PFKL: variants seen among roughly 807,000 people sequenced by gnomAD.
PFKL encodes the protein phosphofructokinase, liver type, also known as ATP-dependent 6-phosphofructokinase, liver type.
A neutral mutation model predicts 92.1 loss-of-function variants in PFKL; 74 were observed. The ratio of observed to expected loss-of-function variants is 0.80; its 90% CI spans 0.67 to 0.97. The LOEUF is 0.97. Ranked by LOEUF, PFKL falls within the 50% of genes least tolerant of loss-of-function variation. The probability of loss-of-function intolerance (pLI) is 0.00; values close to 1 mark genes in which losing one functional copy is unlikely to be tolerated. For missense variants in PFKL, 1,028 were observed against 1,116.6 expected, an observed-to-expected ratio of 0.92 and a Z score of 1.13; for synonymous variants, 494 against 456.4, an observed-to-expected ratio of 1.08 and a Z score of -1.05.
intron 7 of PFKL, chr21:44,314,419 C>T (rs1490223118): frequency 1.4e-5 from 3 of 208,504 alleles, no homozygotes; most frequent in Non-Finnish European, 2.9e-5. Context: ...AGGCCAGGAG[C>T]TGGGCCAGTG....
chr21:44,321,561 A>G, intron 12 of PFKL, 168 bp from the exon 13 acceptor site: 1 of 582,542 alleles, frequency 1.7e-6, no homozygotes. Flanking sequence ...CTGGAATTAG[A>G]ACAGATACCG....
In PFKL at chr21:44,322,949, T is replaced by A; in HGVS notation, c.1410-13T>A. On this transcript the variant is annotated splice_polypyrimidine_tract_variant and intron_variant, in intron 14 of 21. Transcript: ENST00000349048. ...GGTGCTGCGTGTTCATGCGGATGTG[T>A]CTTTGACTGCAGGACCCTGCCCAAG... 6.2e-7 allele frequency: 1 copy of A among 1,600,604 alleles called. No individual in the cohort carries two copies. Among genetic ancestry groups the A allele is most frequent in the South Asian group, 1.1e-5 (1 of 90,550 alleles).
chr21:44,312,952 A>G (rs1309859387), intron 4 of PFKL, 26 bp from the exon 5 acceptor site: 1 of 1,610,150 alleles, frequency 6.2e-7, no homozygotes, highest in South Asian at 1.1e-5. Flanking sequence ...AGCCTCAGCC[A>G]GGTCCTCCTG....
intron 1 of PFKL, 93 bp from the exon 2 acceptor site, chr21:44,306,587 AG>A (rs2040950318): frequency 6.5e-6 from 7 of 1,071,272 alleles, no homozygotes; most frequent in Non-Finnish European, 9.7e-6. Flanking sequence ...CAGGGTGTCC[AG>A]GCCTCCCCTA....
rs980279655 is a variant in PFKL at position 44,325,932 on chromosome 21, C to T, written c.1990-29C>T. The T allele has an allele frequency of 3.2e-6, 5 of 1,579,520 alleles. No homozygotes were observed. The Admixed American group carries it at 6.8e-5, about 22-fold the overall frequency. On this transcript the variant is annotated intron_variant, in intron 19 of 21. Coordinates refer to ENST00000349048, the MANE Select transcript of PFKL (RefSeq NM_002626.6). ...CTTGGCCCAGGCAGCCCAGGGGAGT[C>T]CAGGGAACCGGGCCTCACCTGTTTC...
At chr21:44,309,592 C>T (rs893963218) in intron 2 of PFKL, among the ~76,000 whole-genome samples, 1 of 152,198 alleles carries the variant, frequency 6.6e-6, no homozygotes, top group African/African-American at 2.4e-5. Context: ...ACCTGCCTGC[C>T]CCTCCGCCCA....
chr21:44,322,991 T>C lies in PFKL; in HGVS notation c.1439T>C (p.Ile480Thr), dbSNP rs149303406. Residue 480 changes from isoleucine to threonine, a missense_variant, in exon 15 of 22, where the codon ATT becomes ACT. Transcript: ENST00000349048. ...CTGCCCAAGGGCCAGCTGGAGTCCA[T>C]TGTGGAGAACATCCGCATCTATGGT... ...RTLPKGQLES[I>T]VENIRIYGIH... 7.4e-5 allele frequency: 119 copies of C among 1,612,816 alleles called. No homozygotes were observed. The highest frequency in any genetic ancestry group is 9.3e-5 in the African/African-American group (7 of 75,066).
chr21:44,312,595 G>A (rs1033476919), intron 4 of PFKL, among the ~76,000 whole-genome samples: 1 of 152,346 alleles, frequency 6.6e-6, no homozygotes, highest in Non-Finnish European at 1.5e-5. Context: ...TGATCCGAGT[G>A]AGATTCTGGA....
rs765997593 is a variant in PFKL, at chr21:44,323,799, C to T, written c.1531C>T (p.Arg511Cys). Residue 511 changes from arginine (R) to cysteine (C), a missense_variant, in exon 16 of 22, where the codon CGC (arginine) becomes TGC (cysteine). Transcript: ENST00000349048. ...YEGVLQLVEA[R>C]GRYEELCIVM... ...AGGGGTGCTGCAGCTGGTGGAGGCT[C>T]GCGGGCGCTACGAGGAGCTCTGCAT... is the stretch of plus-strand genomic sequence containing the variant. 1.2e-5 allele frequency: 19 copies of T among 1,612,414 alleles called. No homozygotes were observed. Among genetic ancestry groups the T allele is most frequent in the African/African-American group, 4.0e-5 (3 of 74,900 alleles).
At chr21:44,307,084 C>T (rs944692537) in intron 2 of PFKL, among the ~76,000 whole-genome samples, 5 of 152,180 alleles carry the variant, frequency 3.3e-5, no homozygotes, top group Admixed American at 2.6e-4. Context: ...CCACCACACC[C>T]CTGCCTGGTG....
intron 2 of PFKL, 76 bp from the exon 3 acceptor site, chr21:44,310,930 A>G: frequency 1.9e-6 from 2 of 1,047,718 alleles, no homozygotes; most frequent in South Asian, 1.3e-5. Context: ...GTGGGGTGAA[A>G]ATCCTGCTCC....
At chr21:44,305,999 G>A (rs1394074414) in intron 1 of PFKL, 1 of 1,187,736 alleles carries the variant, frequency 8.4e-7, no homozygotes, top group African/African-American at 2.5e-5. Context: ...GGCCGGAGGG[G>A]CTCTGTTCTC....
At chr21:44,311,333 T>C (rs2047039619) in intron 3 of PFKL, among the ~76,000 whole-genome samples, 1 of 144,130 alleles carries the variant, frequency 6.9e-6, no homozygotes, top group South Asian at 2.2e-4. Flanking sequence ...CACACAGACA[T>C]GCACACATAC....
At position 44,321,714 on chromosome 21, in the gene PFKL, C is replaced by T. The variant is rs1335464802; in HGVS notation, c.1192-15C>T. ...CCCGGCTGTGCCTCACGCTCATCTC[C>T]CCTTCTCTCTGAAGTCTAACTTCTC... On this transcript the variant is annotated splice_polypyrimidine_tract_variant and intron_variant, in intron 12 of 21. Transcript: ENST00000349048. The T allele has an allele frequency of 6.5e-7, 1 of 1,544,124 alleles. No individual in the cohort carries two copies. The highest frequency in any genetic ancestry group is 2.3e-5 in the East Asian group (1 of 43,298).
At chr21:44,325,613 G>T (rs1445215587) in intron 19 of PFKL, 2 of 490,862 alleles carry the variant, frequency 4.1e-6, no homozygotes, top group East Asian at 7.0e-5. Flanking sequence ...CCGCGTCCTG[G>T]GGTTTTCTGA....
intron 21 of PFKL, 42 bp from the exon 22 acceptor site, chr21:44,326,673 A>AC (rs1165980649): frequency 1.3e-6 from 2 of 1,597,894 alleles, no homozygotes; most frequent in Admixed American, 3.4e-5. Flanking sequence ...AGCTGCCCTG[A>AC]CCCCTGACTC....
Position 44,323,862 on chromosome 21 carries a change from G to C in PFKL, c.1594G>C (p.Val532Leu). 1 of 1,613,580 alleles carries C rather than the reference G, an allele frequency of 6.2e-7. No individual in the cohort carries two copies. The highest frequency in any genetic ancestry group is 2.2e-5 in the East Asian group (1 of 44,878). Residue 532 changes from valine (V) to leucine (L), a missense_variant, in exon 16 of 22, where the codon GTC becomes CTC. Transcript: ENST00000349048. ...CATCCCAGCCACCATCAGCAACAACGTCCCTGGCACCGACTTCAGCCTGGG... is the reference window on the plus strand; with the variant it reads ...CATCCCAGCCACCATCAGCAACAACCTCCCTGGCACCGACTTCAGCCTGGG... ...CVIPATISNN[V>L]PGTDFSLGSD...
intron 9 of PFKL, among the ~76,000 whole-genome samples, chr21:44,317,248 T>A (rs1430135607): frequency 2.0e-5 from 3 of 152,198 alleles, no homozygotes; most frequent in Non-Finnish European, 4.4e-5. Context: ...GGACTTGTGC[T>A]GAGGGAGACC....
chr21:44,314,206 C>T, intron 7 of PFKL, 185 bp downstream of exon 7: 2 of 592,150 alleles, frequency 3.4e-6, no homozygotes, highest in South Asian at 2.1e-5. Flanking sequence ...CAGTGAGGCA[C>T]CTGTGGTCCT....
Sources: gnomAD v4.1 joint callset for allele counts (sites outside exome capture counted in the v4.1 genomes callset) on GRCh38, gnomAD v4.1.1 for gene constraint, MANE v1.5 for transcripts, NCBI Gene and HGNC (gene_info 2026-07-23, HGNC 2026-07-21) for gene names.